The following F2RL1 variants were observed in gnomAD, a reference collection of about 807,000 sequenced individuals.
The protein encoded by F2RL1 is proteinase-activated receptor 2.
A neutral mutation model predicts 21.7 loss-of-function variants in F2RL1; 16 were observed. That is an observed-to-expected ratio of 0.74 (90% CI 0.50 to 1.12). The LOEUF is 1.12. Ranked by LOEUF, F2RL1 falls within the 50% of genes most tolerant of loss-of-function variation. The pLI, the probability that F2RL1 is intolerant of heterozygous loss-of-function variation, is 0.00. For synonymous variants in F2RL1, 181 were observed against 186.7 expected (o/e 0.97, Z 0.25); for missense variants, 432 against 477.8 (o/e 0.90, Z 0.89).
At chr5:76,827,049 C>T (rs1404314546) in intron 1 of F2RL1, among the ~76,000 whole-genome samples, 1 of 151,880 alleles carries the variant, frequency 6.6e-6, no homozygotes, top group Non-Finnish European at 1.5e-5. Flanking sequence ...TGGGGTTCTG[C>T]TCTGTTGCCC....
chr5:76,823,437 G>A (rs996829718), intron 1 of F2RL1, among the ~76,000 whole-genome samples: 1 of 146,870 alleles, frequency 6.8e-6, no homozygotes, highest in African/African-American at 2.5e-5. Flanking sequence ...GGAGTGCAGT[G>A]ATGTGATCTC....
intron 1 of F2RL1, among the ~76,000 whole-genome samples, chr5:76,824,626 C>T (rs1008538423): frequency 3.3e-5 from 5 of 152,016 alleles, no homozygotes; most frequent in Non-Finnish European, 5.9e-5. Context: ...CCTGCCAGGG[C>T]CTGAACTACT....
At chr5:76,830,555 C>A (rs562892861) in intron 1 of F2RL1, among the ~76,000 whole-genome samples, 14 of 152,316 alleles carry the variant, frequency 9.2e-5, no homozygotes, top group African/African-American at 3.1e-4. Flanking sequence ...GGATTACAGG[C>A]GTGAGACACC....
chr5:76,833,008 A>T lies in F2RL1; in HGVS notation c.401A>T (p.Tyr134Phe). 6.2e-7 allele frequency: 1 copy of T among 1,614,172 alleles called. No individual in the cohort carries two copies. Among genetic ancestry groups the T allele is most frequent in the Non-Finnish European group, 8.5e-7 (1 of 1,179,994 alleles). The change falls in exon 2 of 2, where the codon TAT becomes TTT. Residue 134 changes from tyrosine (Y) to phenylalanine (F), a missense_variant. Coordinates refer to ENST00000296677, the MANE Select transcript of F2RL1 (RefSeq NM_005242.6). Reference sequence around the variant, plus strand: ...ATCTGGTTCCCCTTGAAGATTGCCTATCACATACATGGCAACAACTGGATT... The same window carrying T: ...ATCTGGTTCCCCTTGAAGATTGCCTTTCACATACATGGCAACAACTGGATT... ...SVIWFPLKIAYHIHGNNWIYG... is the reference protein window; with the variant it reads ...SVIWFPLKIAFHIHGNNWIYG...
chr5:76,822,941 A>T (rs1750165002), intron 1 of F2RL1, among the ~76,000 whole-genome samples: 1 of 151,878 alleles, frequency 6.6e-6, no homozygotes, highest in East Asian at 1.9e-4. Flanking sequence ...AATTAAATTA[A>T]AAGTTTTAGG....
chr5:76,829,049 G>A (rs1352037506), intron 1 of F2RL1, among the ~76,000 whole-genome samples: 1 of 151,772 alleles, frequency 6.6e-6, no homozygotes, highest in East Asian at 1.9e-4. Flanking sequence ...CTGGGAGACG[G>A]AGGTTGCAGT....
Position 76,834,140 on chromosome 5 carries a change from C to CATATAT in F2RL1, c.*344_*349dup, listed in dbSNP as rs35226539. ...TCTCAGCTGAAATTATATATATACACATATATATATTTTACATCTGGGATC... is the reference window on the plus strand; with the variant it reads ...TCTCAGCTGAAATTATATATATACACATATATATATATATATTTTACATCTGGGATC... On this transcript the variant is annotated 3_prime_UTR_variant, in exon 2 of 2. Coordinates refer to ENST00000296677, the MANE Select transcript of F2RL1 (RefSeq NM_005242.6). 837 of 168,754 alleles carry CATATAT rather than the reference C, an allele frequency of 5.0e-3. 6 individuals carry two copies. Among genetic ancestry groups the CATATAT allele is most frequent in the African/African-American group, 0.019 (786 of 41,410 alleles). 10.5% of individuals were successfully genotyped at this position (168,754 alleles called of 1,614,324 possible).
At chr5:76,828,970 G>A (rs1750297502) in intron 1 of F2RL1, among the ~76,000 whole-genome samples, 3 of 152,010 alleles carry the variant, frequency 2.0e-5, no homozygotes, top group Admixed American at 6.6e-5. Flanking sequence ...ACAAAAATTA[G>A]CTGGATGTAG....
In F2RL1 at chr5:76,819,030, G is replaced by A. The variant is rs953239144; in HGVS notation, c.-153G>A. The A allele has an allele frequency of 6.1e-6, 4 of 652,036 alleles. No homozygotes were observed. The highest frequency in any genetic ancestry group is 1.0e-5 in the Non-Finnish European group (4 of 388,672). The allele number at this position is 652,036 out of a possible 1,614,324, so 40.4% of individuals were successfully genotyped here. On this transcript the variant is annotated 5_prime_UTR_variant, in exon 1 of 2. Coordinates refer to ENST00000296677, the MANE Select transcript of F2RL1 (RefSeq NM_005242.6). ...AGTACGCTGCTCCTTCGGTTTCCCTGAAACCTAACCCGCCCTGGGGAGGCG... is the reference window on the plus strand; with the variant it reads ...AGTACGCTGCTCCTTCGGTTTCCCTAAAACCTAACCCGCCCTGGGGAGGCG...
intron 1 of F2RL1, among the ~76,000 whole-genome samples, chr5:76,826,172 GT>G (rs547942685): frequency 2.2e-4 from 33 of 146,936 alleles, no homozygotes; most frequent in South Asian, 8.7e-4. Context: ...CCAAGCCTGT[GT>G]TTTTTTTTTA....
chr5:76,831,553 T>TTTTTTTTTTG (rs1750348293), intron 1 of F2RL1, among the ~76,000 whole-genome samples: 1 of 148,652 alleles, frequency 6.7e-6, no homozygotes, highest in Non-Finnish European at 1.5e-5. Flanking sequence ...TTTTTTTTTT[T>TTTTTTTTTTG]GACTGAGGCT....
rs1486445755 is a variant in F2RL1, at chr5:76,833,566, G to A, written c.959G>A (p.Ser320Asn). Residue 320 changes from serine to asparagine, a missense_variant, in exon 2 of 2, where the codon AGC becomes AAC. By Grantham distance (46) the Ser-to-Asn change is conservative. Coordinates refer to ENST00000296677, the MANE Select transcript of F2RL1 (RefSeq NM_005242.6). Reference sequence around the variant, plus strand: ...TTTCTGATTAAGAGCCAGGGCCAGAGCCATGTCTATGCCCTGTACATTGTA... The same window carrying A: ...TTTCTGATTAAGAGCCAGGGCCAGAACCATGTCTATGCCCTGTACATTGTA... Reference protein sequence around the residue: ...HYFLIKSQGQSHVYALYIVAL... With the variant: ...HYFLIKSQGQNHVYALYIVAL... 1.2e-6 allele frequency: 2 copies of A among 1,613,824 alleles called. No individual in the cohort carries two copies. Among genetic ancestry groups the A allele is most frequent in the African/African-American group, 1.3e-5 (1 of 74,914 alleles).
intron 1 of F2RL1, among the ~76,000 whole-genome samples, chr5:76,829,263 CTTT>C (rs57404989): frequency 0.22 from 9,962 of 45,884 alleles, 1,057 homozygotes; most frequent in African/African-American, 0.43. Context: ...TCTTCTTCTT[CTTT>C]TTTTTTTTTT....
intron 1 of F2RL1, among the ~76,000 whole-genome samples, chr5:76,826,678 G>C (rs931473098): frequency 6.6e-6 from 1 of 151,690 alleles, no homozygotes; most frequent in Non-Finnish European, 1.5e-5. Flanking sequence ...GCTAATTTTT[G>C]TATTTTTAGT....
At chr5:76,828,335 C>A (rs764365469) in intron 1 of F2RL1, among the ~76,000 whole-genome samples, 1 of 152,178 alleles carries the variant, frequency 6.6e-6, no homozygotes, top group Admixed American at 6.6e-5. Context: ...TGAAATAAAT[C>A]TCAGATATAA....
intron 1 of F2RL1, among the ~76,000 whole-genome samples, chr5:76,821,459 C>T (rs1380038344): frequency 6.6e-6 from 1 of 152,044 alleles, no homozygotes; most frequent in African/African-American, 2.4e-5. Context: ...CAGCTTCTCT[C>T]TGCCACTTAC....
chr5:76,823,229 C>A (rs1434071821), intron 1 of F2RL1, among the ~76,000 whole-genome samples: 214 of 138,694 alleles, frequency 1.5e-3, no homozygotes, highest in Admixed American at 2.0e-3. Context: ...GACTCAGTCT[C>A]AAAAAAAAAA....
chr5:76,831,661 G>C (rs1308436949), intron 1 of F2RL1, among the ~76,000 whole-genome samples: 1 of 151,086 alleles, frequency 6.6e-6, no homozygotes, highest in African/African-American at 2.4e-5. Context: ...AGCCTCCCAA[G>C]TAGCTGGGAT....
At chr5:76,823,648 G>A (rs1228616531) in intron 1 of F2RL1, among the ~76,000 whole-genome samples, 2 of 151,754 alleles carry the variant, frequency 1.3e-5, no homozygotes, top group Non-Finnish European at 2.9e-5. Flanking sequence ...CAAAGTGCTG[G>A]GATTATAGGT....
Sources: allele counts gnomAD v4.1 joint callset (sites outside exome capture counted in the v4.1 genomes callset), GRCh38; gene constraint gnomAD v4.1.1; transcripts MANE v1.5; gene names NCBI Gene and HGNC (gene_info 2026-07-23, HGNC 2026-07-21).